ASB4: variants seen among roughly 807,000 people sequenced by gnomAD.
ASB4 encodes the protein ankyrin repeat and SOCS box protein 4.
ASB4 carries 35 observed loss-of-function variants against 38.6 expected under a neutral mutation model. The ratio of observed to expected loss-of-function variants is 0.91; its 90% CI spans 0.69 to 1.20. ASB4 has a LOEUF of 1.20. ASB4 is among the 50% of genes most tolerant of loss of function. The probability of loss-of-function intolerance (pLI) is 0.00; values close to 1 mark genes in which losing one functional copy is unlikely to be tolerated. For synonymous variants in ASB4, 195 were observed against 201.3 expected (o/e 0.97, Z 0.26); for missense variants, 557 against 527.2 (o/e 1.06, Z -0.55).
intron 3 of ASB4, among the ~76,000 whole-genome samples, chr7:95,533,770 A>G (rs1233739342): frequency 1.3e-5 from 2 of 152,182 alleles, no homozygotes; most frequent in African/African-American, 2.4e-5. Context: ...GACCAACCTC[A>G]TAGGATTGTT....
At chr7:95,543,682 A>G (rs1790998531), downstream of ASB4, 1 of 152,240 alleles carries the variant, frequency 6.6e-6, no homozygotes, top group African/African-American at 2.4e-5. Flanking sequence ...GCTGGAGTAT[A>G]CACTGAGTAT....
chr7:95,527,741 C>A, intron 2 of ASB4, 72 bp from the exon 3 acceptor site: 1 of 1,394,216 alleles, frequency 7.2e-7, no homozygotes, highest in Non-Finnish European at 9.7e-7. Context: ...TGAGAAAAGT[C>A]TTGTTTAATG....
intron 2 of ASB4, among the ~76,000 whole-genome samples, chr7:95,505,698 C>G (rs901782284): frequency 1.8e-5 from 2 of 114,082 alleles, no homozygotes; most frequent in African/African-American, 6.1e-5. Flanking sequence ...CCCCCCCCCC[C>G]AAATACTTAT....
At chr7:95,479,069 A>G (rs941812220) in intron 1 of ASB4, among the ~76,000 whole-genome samples, 1 of 152,226 alleles carries the variant, frequency 6.6e-6, no homozygotes, top group Non-Finnish European at 1.5e-5. Context: ...GCCAATGTCC[A>G]GGACACTGTG....
At chr7:95,475,752 A>G (rs1476356340), upstream of ASB4, among the ~76,000 whole-genome samples, 6 of 152,060 alleles carry the variant, frequency 3.9e-5, no homozygotes, top group East Asian at 1.9e-4. Context: ...AAACCAAATC[A>G]TGTATTCCAG....
At position 95,503,044 on chromosome 7, in the gene ASB4, G is replaced by A. The variant is rs184962598; in HGVS notation, c.487+6987G>A. Among the ~76,000 whole-genome samples the A allele has an allele frequency of 2.4e-3, 362 of 152,278 alleles. 2 individuals are homozygous for A. Among genetic ancestry groups the A allele is most frequent in the African/African-American group, 8.4e-3 (351 of 41,556 alleles). On this transcript the variant is annotated intron_variant, in intron 2 of 4. Coordinates refer to ENST00000325885, the MANE Select transcript of ASB4 (RefSeq NM_016116.3). ...CTTATGGGACAGTATGGACTGTATA[G>A]ATGTATTTTTCTGAAAATTATATGT...
In ASB4 at chr7:95,528,228, T is replaced by A; in HGVS notation, c.903T>A (p.Ala301=). ...TGAAGGTCACCTCCGTGCGCCCTGC[T>A]GCCCAGCCTGAGATCTGCTACCAGC... The part of the protein sequence containing the change: ...YVLKVTSVRP[A]AQPEICYQLL... Residue 301 remains alanine (A), a synonymous_variant, in exon 3 of 5, where the codon GCT becomes GCA. Coordinates refer to ENST00000325885, the MANE Select transcript of ASB4 (RefSeq NM_016116.3). The A allele has an allele frequency of 6.2e-7, 1 of 1,614,050 alleles. No homozygotes were observed. Among genetic ancestry groups the A allele is most frequent in the Admixed American group, 1.7e-5 (1 of 60,000 alleles).
intron 3 of ASB4, among the ~76,000 whole-genome samples, chr7:95,536,083 G>A (rs946331761): frequency 1.6e-4 from 24 of 152,170 alleles, no homozygotes; most frequent in East Asian, 3.8e-4. Flanking sequence ...TCACTTGCTC[G>A]TGGAAGGTGA....
intron 3 of ASB4, among the ~76,000 whole-genome samples, chr7:95,530,763 G>A (rs1014371824): frequency 4.6e-5 from 7 of 152,130 alleles, no homozygotes; most frequent in Admixed American, 3.3e-4. Flanking sequence ...AAGATTTTGA[G>A]TTGAGAAAAA....
chr7:95,486,201 T>A (rs1367484412), intron 1 of ASB4, 43 bp downstream of exon 1: 3 of 1,510,476 alleles, frequency 2.0e-6, no homozygotes, highest in Admixed American at 1.9e-5. Context: ...TAGAAAATGA[T>A]TTAAAAAAAT....
At chr7:95,528,341 T>C in intron 3 of ASB4, 38 bp downstream of exon 3, 2 of 1,612,002 alleles carry the variant, frequency 1.2e-6, no homozygotes, top group Non-Finnish European at 1.7e-6. Context: ...TTGAGGAAGA[T>C]TCAAATGGCA....
intron 1 of ASB4, among the ~76,000 whole-genome samples, chr7:95,494,820 AAGAG>A (rs545117617): frequency 1.3e-5 from 2 of 151,432 alleles, no homozygotes; most frequent in South Asian, 2.1e-4. Flanking sequence ...AGTGGGAGAA[AAGAG>A]AGAGAGAGAG....
intron 2 of ASB4, among the ~76,000 whole-genome samples, chr7:95,505,243 G>C (rs1790391392): frequency 6.6e-6 from 1 of 152,172 alleles, no homozygotes; most frequent in African/African-American, 2.4e-5. Context: ...GTTACAACTA[G>C]TAACTGAGTT....
chr7:95,495,330 T>A (rs908976390), intron 1 of ASB4, among the ~76,000 whole-genome samples: 7 of 152,168 alleles, frequency 4.6e-5, no homozygotes, highest in Admixed American at 1.3e-4. Flanking sequence ...AGCTTGCAAC[T>A]GACAGCCTTG....
At chr7:95,515,159 T>TTC (rs1300413524) in intron 2 of ASB4, among the ~76,000 whole-genome samples, 36 of 95,926 alleles carry the variant, frequency 3.8e-4, no homozygotes, top group Admixed American at 1.6e-3. Context: ...CTTTCTTTCT[T>TTC]TCTCTTTCTC....
intron 1 of ASB4, among the ~76,000 whole-genome samples, chr7:95,488,322 C>A (rs1399059004): frequency 6.6e-6 from 1 of 151,120 alleles, no homozygotes; most frequent in Non-Finnish European, 1.5e-5. Context: ...GCCTGGGTGA[C>A]ACAGGGAGAC....
At chr7:95,480,477 G>A (rs181139421) in intron 1 of ASB4, among the ~76,000 whole-genome samples, 16 of 152,312 alleles carry the variant, frequency 1.1e-4, no homozygotes, top group Middle Eastern at 3.4e-3. Flanking sequence ...GATAGAAACA[G>A]TGGTATATGA....
chr7:95,504,160 G>A (rs1790377119), intron 2 of ASB4, among the ~76,000 whole-genome samples: 1 of 152,112 alleles, frequency 6.6e-6, no homozygotes, highest in Non-Finnish European at 1.5e-5. Flanking sequence ...ATTCGTAAGA[G>A]GAAAATGAAA....
intron 3 of ASB4, among the ~76,000 whole-genome samples, chr7:95,532,197 A>C (rs1044372483): frequency 6.6e-5 from 10 of 152,228 alleles, no homozygotes; most frequent in African/African-American, 2.4e-4. Context: ...CCAGAAGATA[A>C]AGTGATTCGT....
Sources: allele counts gnomAD v4.1 joint callset (sites outside exome capture counted in the v4.1 genomes callset), GRCh38; gene constraint gnomAD v4.1.1; transcripts MANE v1.5; gene names NCBI Gene and HGNC (gene_info 2026-07-23, HGNC 2026-07-21).